SLIT3: variants seen among roughly 807,000 people sequenced by gnomAD.
SLIT3 encodes the protein slit guidance ligand 3, also known as slit homolog 3 protein.
Under a neutral mutation model 184.0 loss-of-function variants are expected in SLIT3, and 68 were observed. The ratio of observed to expected loss-of-function variants is 0.37; its 90% CI spans 0.30 to 0.45. The LOEUF is 0.45. SLIT3 is among the 20% of genes least tolerant of loss of function. SLIT3 has a pLI of 1.00. For synonymous variants in SLIT3, 831 were observed against 828.6 expected, an observed-to-expected ratio of 1.00 and a Z score of -0.05; for missense variants, 1,707 against 2,026.0, an observed-to-expected ratio of 0.84 and a Z score of 3.02.
intron 6 of SLIT3, among the ~76,000 whole-genome samples, chr5:168,830,092 A>C (rs1757832841): frequency 6.6e-6 from 1 of 152,166 alleles, no homozygotes; most frequent in African/African-American, 2.4e-5. Flanking sequence ...TACGACACTC[A>C]GGTCCTAAGA....
intron 4 of SLIT3, among the ~76,000 whole-genome samples, chr5:168,964,174 G>T (rs1245143541): frequency 2.0e-5 from 3 of 152,228 alleles, no homozygotes; most frequent in Non-Finnish European, 4.4e-5. Context: ...TCTTAATAAA[G>T]CATTTGGGAA....
intron 10 of SLIT3, among the ~76,000 whole-genome samples, chr5:168,794,039 C>G (rs1348000327): frequency 1.3e-5 from 2 of 152,114 alleles, no homozygotes; most frequent in African/African-American, 4.8e-5. Flanking sequence ...GTTGGCTTCC[C>G]AAGATCTGAG....
At chr5:168,860,016 G>A (rs927810633) in intron 5 of SLIT3, among the ~76,000 whole-genome samples, 4 of 152,008 alleles carry the variant, frequency 2.6e-5, no homozygotes, top group African/African-American at 7.3e-5. Flanking sequence ...GAACATCACC[G>A]TTTGCCTTTA....
chr5:168,868,760 A>AAAAAAAG (rs1452252628), intron 5 of SLIT3, among the ~76,000 whole-genome samples: 1 of 149,508 alleles, frequency 6.7e-6, no homozygotes, highest in African/African-American at 2.5e-5. Context: ...AAAAAAAAAA[A>AAAAAAAG]AAAAAAGAAA....
intron 4 of SLIT3, among the ~76,000 whole-genome samples, chr5:169,089,415 G>T (rs560853014): frequency 6.6e-6 from 1 of 152,302 alleles, no homozygotes; most frequent in Non-Finnish European, 1.5e-5. Flanking sequence ...TCCAAGGCAG[G>T]GTTAGCAGGG....
intron 3 of SLIT3, among the ~76,000 whole-genome samples, chr5:169,224,437 G>A (rs941158358): frequency 1.3e-5 from 2 of 151,274 alleles, no homozygotes; most frequent in Admixed American, 6.6e-5. Flanking sequence ...GCAAAATCAC[G>A]GTTCACTGCA....
intron 4 of SLIT3, among the ~76,000 whole-genome samples, chr5:169,047,318 T>C (rs145675680): frequency 1.3e-5 from 2 of 152,186 alleles, no homozygotes; most frequent in East Asian, 3.9e-4. Context: ...CTTGACCTCT[T>C]CTCCCGCTTT....
Position 169,181,343 on chromosome 5 carries a change from G to T in SLIT3, c.413+12136C>A, listed in dbSNP as rs564854236. Among the ~76,000 whole-genome samples, 5 of 152,304 alleles carry T rather than the reference G, an allele frequency of 3.3e-5. No individual in the cohort carries two copies. The South Asian group carries it at 8.3e-4, about 25-fold the overall frequency. ...CTGTGCTTTTAACAAAAAGGAGTCA[G>T]AGTGGGAGACAGATATAGGAAGAAG... On this transcript the variant is annotated intron_variant, in intron 4 of 35. Coordinates refer to ENST00000519560, the MANE Select transcript of SLIT3 (RefSeq NM_003062.4).
chr5:168,710,961 T>C lies in SLIT3; in HGVS notation c.2653A>G (p.Ser885Gly). The C allele has an allele frequency of 6.4e-7, 1 of 1,565,820 alleles. No individual in the cohort carries two copies. The highest frequency in any genetic ancestry group is 8.7e-7 in the Non-Finnish European group (1 of 1,154,362). Residue 885 changes from serine (S) to glycine (G), a missense_variant, in exon 25 of 36, where the codon AGT becomes GGT. Coordinates refer to ENST00000519560, the MANE Select transcript of SLIT3 (RefSeq NM_003062.4). ...CTGTCAGCCATGGGCTCAGGGCTAC[T>C]GCAGCGGGCGATGCCAGGCTCCTTG... The part of the protein sequence containing the change: ...GYKEPGIARC[S>G]SPEPMADRLL...
chr5:169,245,003 C>T (rs1316168625), intron 2 of SLIT3, among the ~76,000 whole-genome samples: 5 of 152,148 alleles, frequency 3.3e-5, no homozygotes, highest in Non-Finnish European at 7.3e-5. Context: ...GGTTTCCATG[C>T]CTCTATTTTA....
chr5:168,841,592 T>C (rs1455046195), intron 6 of SLIT3, among the ~76,000 whole-genome samples: 3 of 141,848 alleles, frequency 2.1e-5, no homozygotes, highest in Non-Finnish European at 4.7e-5. Context: ...TACCAGTTCA[T>C]TTCTTCTCAT....
chr5:168,818,635 C>G (rs1472665075), intron 7 of SLIT3, among the ~76,000 whole-genome samples: 1 of 152,228 alleles, frequency 6.6e-6, no homozygotes, highest in East Asian at 1.9e-4. Context: ...TAAAGACTTT[C>G]AAGTAGTCTG....
At chr5:168,920,910 A>AC (rs1429652256) in intron 4 of SLIT3, among the ~76,000 whole-genome samples, 1 of 152,136 alleles carries the variant, frequency 6.6e-6, no homozygotes, top group African/African-American at 2.4e-5. Context: ...TACCCACCAC[A>AC]CATCGCTCAT....
chr5:169,142,074 AAAATAAAAAT>A (rs1288032211), intron 4 of SLIT3, among the ~76,000 whole-genome samples: 5,197 of 135,106 alleles, frequency 0.038, 292 homozygotes, highest in African/African-American at 0.13. Flanking sequence ...AATAAAAATA[AAAATAAAAAT>A]AAATAAATAA....
rs571903956 is a variant in SLIT3, at chr5:168,686,143, A to G, written c.3315-216T>C. On this transcript the variant is annotated intron_variant, in intron 30 of 35. Transcript: ENST00000519560. ...CATTTTTAAGAGAGTTGGGGTAGCC[A>G]TGGTGGCATGAGCCTGTAGTCCCAG... is the stretch of plus-strand genomic sequence containing the variant. Among the ~76,000 whole-genome samples the G allele has an allele frequency of 9.8e-5, 15 of 152,298 alleles. 1 individual carries two copies. The Middle Eastern group carries it at 0.01, about 104-fold the overall frequency.
chr5:169,119,200 A>G (rs1760795142), intron 4 of SLIT3, among the ~76,000 whole-genome samples: 1 of 152,182 alleles, frequency 6.6e-6, no homozygotes, highest in Admixed American at 6.5e-5. Flanking sequence ...AGTTCCACCA[A>G]AACAGACTTC....
chr5:169,000,392 C>CAAGAAA (rs1755663904), intron 4 of SLIT3, among the ~76,000 whole-genome samples: 1 of 42,316 alleles, frequency 2.4e-5, no homozygotes, highest in Non-Finnish European at 4.2e-5. Flanking sequence ...AACTCCATCT[C>CAAGAAA]AAAAAAAAAA....
At chr5:169,229,105 A>G (rs1470791581) in intron 3 of SLIT3, among the ~76,000 whole-genome samples, 2 of 152,178 alleles carry the variant, frequency 1.3e-5, no homozygotes, top group African/African-American at 4.8e-5. Flanking sequence ...ACAGAGAGAG[A>G]GAGAGGGAGA....
chr5:168,788,950 CAT>C (rs1353981647), intron 11 of SLIT3, among the ~76,000 whole-genome samples: 1 of 152,132 alleles, frequency 6.6e-6, no homozygotes, highest in Non-Finnish European at 1.5e-5. Flanking sequence ...CTATGCCACA[CAT>C]GAGTGACTGA....
Sources: allele counts gnomAD v4.1 joint callset (sites outside exome capture counted in the v4.1 genomes callset), GRCh38; gene constraint gnomAD v4.1.1; transcripts MANE v1.5; gene names NCBI Gene and HGNC (gene_info 2026-07-23, HGNC 2026-07-21).